Variants in CEP290 observed in about 807,000 individuals in gnomAD.
CEP290 encodes centrosomal protein of 290 kDa.
Under a neutral mutation model 344.9 loss-of-function variants are expected in CEP290, and 317 were observed. The observed-to-expected ratio is 0.92, with a 90% CI of 0.84 to 1.01. CEP290 has a LOEUF of 1.01. Among genes scored for constraint, CEP290 ranks in the 50% least tolerant of loss-of-function variants. The pLI is 0.00. For synonymous variants in CEP290, 932 were observed against 895.8 expected (o/e 1.04, Z -0.72); for missense variants, 2,754 against 2,761.4 (o/e 1.00, Z 0.06).
At chr12:88,137,951 C>A (rs1343256997) in intron 5 of CEP290, among the ~76,000 whole-genome samples, 6 of 152,198 alleles carry the variant, frequency 3.9e-5, no homozygotes, top group Non-Finnish European at 8.8e-5. Flanking sequence ...TCCAGTAACT[C>A]CGCAAAATGC....
In CEP290 at chr12:88,111,320, A is replaced by C. The variant is rs137852833; in HGVS notation, c.2249T>G (p.Leu750Ter). Residue 750 changes from leucine (L) to a stop codon, truncating the protein, a stop_gained, in exon 22 of 54, where the codon TTA (leucine) becomes TGA (stop). Coordinates refer to ENST00000552810, the MANE Select transcript of CEP290 (RefSeq NM_025114.4). LOFTEE classifies it high-confidence loss of function. ...AACATTTGATCCTTCTGATTGTCGT[A>C]AAAGACTAGTTTCTTTTTCAAGATG... ...IDHLEKETSL[L>*]RQSEGSNVVF... is the part of the protein sequence containing the mutation. The C allele has an allele frequency of 4.5e-6, 7 of 1,564,726 alleles. No homozygotes were observed. The highest frequency in any genetic ancestry group is 6.1e-6 in the Non-Finnish European group (7 of 1,155,248).
chr12:88,130,324 G>A lies in CEP290; in HGVS notation c.613C>T (p.Arg205Ter), dbSNP rs137852835. 17 of 1,607,130 alleles carry A rather than the reference G, an allele frequency of 1.1e-5. No individual in the cohort carries two copies. Among genetic ancestry groups the A allele is most frequent in the East Asian group, 9.0e-5 (4 of 44,530 alleles). Residue 205 changes from arginine to a stop codon, truncating the protein, a stop_gained, in exon 9 of 54, where the codon CGA becomes TGA. Transcript: ENST00000552810. LOFTEE classifies it high-confidence loss of function. ...LSRRGEDSDY[R>*]SQLSKKNYEL... Reference sequence around the variant, plus strand: ...TAGTTTTTTTTAGACAACTGTGATCGGTAGTCACTGTCTTCCCCTCTTCTT... The same window carrying A: ...TAGTTTTTTTTAGACAACTGTGATCAGTAGTCACTGTCTTCCCCTCTTCTT...
At position 88,089,437 on chromosome 12, in the gene CEP290, G is replaced by A. The variant is rs1331516324; in HGVS notation, c.3624C>T (p.Val1208=). The change falls in exon 31 of 54, where the codon GTC becomes GTT. Residue 1208 remains valine, a synonymous_variant. Coordinates refer to ENST00000552810, the MANE Select transcript of CEP290 (RefSeq NM_025114.4). ...SLIAKLHQHN[V]SLQLSEATAL... ...CAGTAGCCTCACTCAGTTGAAGAGAGACATTATGTTGGTGCAACTTGGCAA... is the reference window on the plus strand; with the variant it reads ...CAGTAGCCTCACTCAGTTGAAGAGAAACATTATGTTGGTGCAACTTGGCAA... 2 of 1,597,734 alleles carry A rather than the reference G, an allele frequency of 1.3e-6. No homozygotes were observed. The highest frequency in any genetic ancestry group is 4.5e-5 in the East Asian group (2 of 44,550).
Position 88,089,194 on chromosome 12 carries a change from T to C in CEP290, c.3867A>G (p.Thr1289=), listed in dbSNP as rs1387223378. 1 of 1,613,086 alleles carries C rather than the reference T, an allele frequency of 6.2e-7. No individual in the cohort carries two copies. The highest frequency in any genetic ancestry group is 8.5e-7 in the Non-Finnish European group (1 of 1,179,390). The change falls in exon 31 of 54, where the codon ACA becomes ACG. Residue 1289 remains threonine (T), a synonymous_variant. Transcript: ENST00000552810. ...PLAQQEKFSK[T]MIQLQNDKLK... is the part of the protein sequence containing the mutation. The stretch of plus-strand genomic sequence containing the variant: ...GTTTGTCATTTTGTAGTTGAATCAT[T>C]GTTTTGGAGAACTTTTCCTGTTGTG...
At chr12:88,085,219 T>C (rs1333819561) in intron 34 of CEP290, among the ~76,000 whole-genome samples, 3 of 152,100 alleles carry the variant, frequency 2.0e-5, no homozygotes, top group African/African-American at 4.8e-5. Flanking sequence ...AGCAGAGCAT[T>C]AGGAGACTAA....
At chr12:88,088,925 T>C in intron 31 of CEP290, 107 bp downstream of exon 31, 2 of 680,032 alleles carry the variant, frequency 2.9e-6, no homozygotes, top group Non-Finnish European at 4.5e-6. Flanking sequence ...GGCTAGAGAG[T>C]CCCTTGAGCC....
At chr12:88,106,228 A>C (rs1179517072) in intron 25 of CEP290, among the ~76,000 whole-genome samples, 1 of 152,220 alleles carries the variant, frequency 6.6e-6, no homozygotes, top group African/African-American at 2.4e-5. Context: ...TACAAGGGAC[A>C]CAGGAACAAG....
chr12:88,098,251 G>C (rs1405470920), intron 26 of CEP290, among the ~76,000 whole-genome samples: 2 of 151,390 alleles, frequency 1.3e-5, no homozygotes, highest in African/African-American at 4.9e-5. Context: ...GTTGCAGTGA[G>C]CTGAGATCAC....
intron 23 of CEP290, among the ~76,000 whole-genome samples, chr12:88,108,701 C>G (rs933021986): frequency 6.6e-6 from 1 of 152,080 alleles, no homozygotes; most frequent in African/African-American, 2.4e-5. Flanking sequence ...CACACTAGTC[C>G]GAGCATTTTC....
chr12:88,091,894 G>A lies in CEP290; in HGVS notation c.3461+787C>T, dbSNP rs934887127. 3.9e-5 allele frequency among the ~76,000 whole-genome samples: 6 copies of A among 152,048 alleles called. No individual in the cohort carries two copies. The East Asian group carries it at 7.7e-4, about 20-fold the overall frequency. On this transcript the variant is annotated intron_variant, in intron 29 of 53. Coordinates refer to ENST00000552810, the MANE Select transcript of CEP290 (RefSeq NM_025114.4). ...AAAATACAGCATATAGCTGGCACACGGTTTTTTTGTTTTGTTTTTCTTTGT... is the reference window on the plus strand; with the variant it reads ...AAAATACAGCATATAGCTGGCACACAGTTTTTTTGTTTTGTTTTTCTTTGT...
At chr12:88,109,239 A>G (rs1047166378) in intron 22 of CEP290, 58 bp from the exon 23 acceptor site, 10 of 618,204 alleles carry the variant, frequency 1.6e-5, no homozygotes, top group South Asian at 1.5e-4. Context: ...TAAATGCTGA[A>G]TTTGAAAGTA....
At chr12:88,137,483 A>T (rs2040410574) in intron 5 of CEP290, among the ~76,000 whole-genome samples, 1 of 152,214 alleles carries the variant, frequency 6.6e-6, no homozygotes, top group Non-Finnish European at 1.5e-5. Context: ...GGCCAAGAAC[A>T]TCAAATCATT....
intron 27 of CEP290, among the ~76,000 whole-genome samples, chr12:88,095,700 C>T (rs1276613143): frequency 2.0e-5 from 3 of 152,072 alleles, no homozygotes; most frequent in Non-Finnish European, 2.9e-5. Flanking sequence ...GAGAACAGCT[C>T]TATTTAGTAA....
intron 45 of CEP290, among the ~76,000 whole-genome samples, chr12:88,063,142 CAAA>C (rs11314427): frequency 1.1e-4 from 14 of 129,722 alleles, no homozygotes; most frequent in Non-Finnish European, 1.1e-4. Context: ...GAAGCAGTAC[CAAA>C]AAAAAAAAAA....
chr12:88,091,960 A>G (rs926295028), intron 29 of CEP290, among the ~76,000 whole-genome samples: 1 of 151,972 alleles, frequency 6.6e-6, no homozygotes, highest in African/African-American at 2.4e-5. Context: ...GTCACCAGGC[A>G]GGAGTGCAGT....
chr12:88,128,849 T>C, intron 11 of CEP290, 97 bp downstream of exon 11: 1 of 667,454 alleles, frequency 1.5e-6, no homozygotes, highest in Non-Finnish European at 2.4e-6. Flanking sequence ...AATAAACGTG[T>C]TATAAACCAG....
rs1271409770 is a variant in CEP290, at chr12:88,060,826, T to C, written c.6522+4A>G. The C allele has an allele frequency of 6.9e-7, 1 of 1,444,442 alleles. No individual in the cohort carries two copies. Among genetic ancestry groups the C allele is most frequent in the Non-Finnish European group, 9.3e-7 (1 of 1,080,398 alleles). The allele number at this position is 1,444,442 out of a possible 1,614,324, so 89.5% of individuals were successfully genotyped here. ...CTAAAAATGATCACATTAAAAAAAA[T>C]TACCTTCAATTTTTCATTTTCCTGC... On this transcript the variant is annotated splice_donor_region_variant and intron_variant, in intron 47 of 53. Coordinates refer to ENST00000552810, the MANE Select transcript of CEP290 (RefSeq NM_025114.4).
chr12:88,107,712 G>T (rs1263234413), intron 23 of CEP290, among the ~76,000 whole-genome samples: 1 of 152,018 alleles, frequency 6.6e-6, no homozygotes, highest in East Asian at 1.9e-4. Context: ...GACTAGCGTG[G>T]ACAATATGGC....
intron 28 of CEP290, 109 bp from the exon 29 acceptor site, chr12:88,092,941 A>ACT: frequency 1.0e-6 from 1 of 973,450 alleles, no homozygotes; most frequent in Non-Finnish European, 1.6e-6. Flanking sequence ...CTTAGTTCAC[A>ACT]TATTATATTA....
Sources: gnomAD v4.1 joint callset for allele counts (sites outside exome capture counted in the v4.1 genomes callset) on GRCh38, gnomAD v4.1.1 for gene constraint, MANE v1.5 for transcripts, NCBI Gene and HGNC (gene_info 2026-07-23, HGNC 2026-07-21) for gene names.